The following IL1RAPL1 variants were observed in gnomAD, a reference collection of about 807,000 sequenced individuals.
IL1RAPL1 encodes the protein interleukin 1 receptor accessory protein like 1, also known as interleukin-1 receptor accessory protein-like 1.
A neutral mutation model predicts 48.4 loss-of-function variants in IL1RAPL1; 3 were observed. That is an observed-to-expected ratio of 0.06 (90% CI 0.03 to 0.16). The LOEUF is 0.16. Among genes scored for constraint, IL1RAPL1 ranks in the 10% least tolerant of loss-of-function variants. IL1RAPL1 has a pLI of 1.00. For missense variants in IL1RAPL1, 349 were observed against 530.6 expected, an observed-to-expected ratio of 0.66 and a Z score of 3.36; for synonymous variants, 185 against 187.7, an observed-to-expected ratio of 0.99 and a Z score of 0.12.
chrX:29,540,464 G>A (rs187019724), intron 5 of IL1RAPL1, among the ~76,000 whole-genome samples: 2 of 111,546 alleles, frequency 1.8e-5, no homozygotes, highest in African/African-American at 6.5e-5. Context: ...AAAACAGCCT[G>A]AATAGTTAAA....
At chrX:29,450,717 G>A (rs192542878) in intron 5 of IL1RAPL1, among the ~76,000 whole-genome samples, 68 of 111,426 alleles carry the variant, frequency 6.1e-4, no homozygotes, top group African/African-American at 1.1e-3. Context: ...TGATGCAACC[G>A]TTCCTATTAA....
chrX:28,589,731 G>A (rs1382745839), intron 1 of IL1RAPL1, among the ~76,000 whole-genome samples: 1 of 111,823 alleles, frequency 8.9e-6, no homozygotes, highest in African/African-American at 3.2e-5. Flanking sequence ...GCAGATTTCA[G>A]CCTGGTGGTT....
At chrX:29,379,944 A>G (rs1336158083) in intron 3 of IL1RAPL1, among the ~76,000 whole-genome samples, 1 of 109,795 alleles carries the variant, frequency 9.1e-6, no homozygotes, top group African/African-American at 3.3e-5. Flanking sequence ...GCCTCTGATA[A>G]CCACTATTCT....
At chrX:28,601,735 C>T (rs1180408496) in intron 1 of IL1RAPL1, among the ~76,000 whole-genome samples, 1 of 110,942 alleles carries the variant, frequency 9.0e-6, no homozygotes, top group Non-Finnish European at 1.9e-5. Flanking sequence ...TTGCTACCAG[C>T]ACCTAGCTTG....
intron 1 of IL1RAPL1, among the ~76,000 whole-genome samples, chrX:28,637,222 A>AT (rs1934475864): frequency 9.0e-6 from 1 of 111,185 alleles, no homozygotes; most frequent in Admixed American, 9.6e-5. Flanking sequence ...TATTCTAATC[A>AT]TAGCCCTTTC....
chrX:29,306,022 T>C (rs1250395780), intron 3 of IL1RAPL1, among the ~76,000 whole-genome samples: 1 of 111,821 alleles, frequency 8.9e-6, no homozygotes, highest in East Asian at 2.8e-4. Context: ...TAATATCTCT[T>C]TGAGGAAGAT....
intron 3 of IL1RAPL1, among the ~76,000 whole-genome samples, chrX:29,386,766 C>T (rs1157654501): frequency 2.7e-5 from 3 of 110,676 alleles, no homozygotes; most frequent in African/African-American, 6.6e-5. Flanking sequence ...TGGTCTTGAA[C>T]TCCTGGGCTC....
At chrX:29,000,341 C>G (rs1049976907) in intron 2 of IL1RAPL1, among the ~76,000 whole-genome samples, 2 of 111,467 alleles carry the variant, frequency 1.8e-5, no homozygotes, top group Non-Finnish European at 3.8e-5. Flanking sequence ...TTGCAAATTA[C>G]TATTCTTTTT....
rs868453912 is a variant in IL1RAPL1 at position 28,762,783 on chromosome X, C to T, written c.-24-26537C>T. Among the ~76,000 whole-genome samples the T allele has an allele frequency of 3.2e-4, 19 of 60,251 alleles. 1 individual carries two copies. The Admixed American group carries it at 3.2e-3, about 10-fold the overall frequency. The allele number at this position is 60,251 out of a possible 115,157, so 52.3% of individuals were successfully genotyped here. ...ATATATAAAATCTAATACGCACGCG[C>T]GCGCACACACACACACACACACACA... On this transcript the variant is annotated intron_variant, in intron 1 of 10. Coordinates refer to ENST00000378993, the MANE Select transcript of IL1RAPL1 (RefSeq NM_014271.4).
rs1358086576 is a variant in IL1RAPL1 at position 29,535,255 on chromosome X, T to C, written c.704-133175T>C. 1.9e-4 allele frequency among the ~76,000 whole-genome samples: 21 copies of C among 110,681 alleles called. No individual in the cohort carries two copies. In the Admixed American group the frequency reaches 2.0e-3, roughly 11 times the overall value. On this transcript the variant is annotated intron_variant, in intron 5 of 10. Transcript: ENST00000378993. ...AGCAAACTTCCCCCAGATAATAAGA[T>C]TAATACTACCTTTTTACAGATTAAG...
At chrX:28,873,777 C>T (rs539914263) in intron 2 of IL1RAPL1, among the ~76,000 whole-genome samples, 17 of 108,428 alleles carry the variant, frequency 1.6e-4, no homozygotes, top group East Asian at 5.8e-4. Context: ...GTGATCCGCC[C>T]GCCTTGGCCT....
intron 5 of IL1RAPL1, among the ~76,000 whole-genome samples, chrX:29,614,401 A>T (rs1048269151): frequency 3.6e-5 from 4 of 112,492 alleles, no homozygotes; most frequent in Non-Finnish European, 7.5e-5. Context: ...AGTAGTTTCT[A>T]TTAAAAGTTA....
chrX:29,163,394 T>G (rs958728604), intron 2 of IL1RAPL1, among the ~76,000 whole-genome samples: 1 of 111,871 alleles, frequency 8.9e-6, no homozygotes, highest in African/African-American at 3.3e-5. Context: ...ACACTTTCAG[T>G]GTCAAGGCTT....
At position 29,802,988 on chromosome X, in the gene IL1RAPL1, CAT is replaced by C. The variant is rs1276462082; in HGVS notation, c.779-114469_779-114468del. ...GTGTACATATATACATACATGTGTACATATATATGTATGCATATATACATATG... is the reference window on the plus strand; with the variant it reads ...GTGTACATATATACATACATGTGTACATATATGTATGCATATATACATATG... On this transcript the variant is annotated intron_variant, in intron 6 of 10. Coordinates refer to ENST00000378993, the MANE Select transcript of IL1RAPL1 (RefSeq NM_014271.4). 1.5e-4 allele frequency among the ~76,000 whole-genome samples: 9 copies of C among 59,084 alleles called. 1 individual carries two copies. The highest frequency in any genetic ancestry group is 7.5e-4 in the South Asian group (1 of 1,333). 51.3% of individuals were successfully genotyped at this position (59,084 alleles called of 115,157 possible).
intron 6 of IL1RAPL1, among the ~76,000 whole-genome samples, chrX:29,744,397 ACT>A (rs1450279746): frequency 9.0e-6 from 1 of 111,544 alleles, no homozygotes; most frequent in Non-Finnish European, 1.9e-5. Context: ...ATCTGCCATT[ACT>A]CTCTCTGCAT....
intron 5 of IL1RAPL1, among the ~76,000 whole-genome samples, chrX:29,449,770 C>G (rs763436383): frequency 7.7e-4 from 58 of 75,138 alleles, no homozygotes; most frequent in African/African-American, 3.6e-3. Flanking sequence ...CACACACACA[C>G]ACACACACAC....
chrX:28,853,493 GCACA>G (rs77109541), intron 2 of IL1RAPL1, among the ~76,000 whole-genome samples: 1 of 107,074 alleles, frequency 9.3e-6, no homozygotes, highest in African/African-American at 3.4e-5. Flanking sequence ...GTGTGCGCGC[GCACA>G]CACACACACA....
intron 6 of IL1RAPL1, among the ~76,000 whole-genome samples, chrX:29,774,227 A>T (rs1000190430): frequency 6.4e-5 from 7 of 109,835 alleles, no homozygotes; most frequent in Admixed American, 5.9e-4. Flanking sequence ...GGCTTTATAA[A>T]GGTGATTTTA....
At chrX:29,147,131 A>G (rs1213475235) in intron 2 of IL1RAPL1, among the ~76,000 whole-genome samples, 4 of 112,293 alleles carry the variant, frequency 3.6e-5, no homozygotes, top group Non-Finnish European at 7.5e-5. Flanking sequence ...CCATAAGCAG[A>G]CCTGCTAGAG....
Sources: gnomAD v4.1 joint callset for allele counts (sites outside exome capture counted in the v4.1 genomes callset) on GRCh38, gnomAD v4.1.1 for gene constraint, MANE v1.5 for transcripts, NCBI Gene and HGNC (gene_info 2026-07-23, HGNC 2026-07-21) for gene names.